Variants in TANGO6 observed in about 807,000 individuals in gnomAD.
TANGO6 encodes the protein transport and golgi organization 6 homolog.
A neutral mutation model predicts 114.2 loss-of-function variants in TANGO6; 90 were observed. That is an observed-to-expected ratio of 0.79 (90% CI 0.66 to 0.94). The LOEUF is 0.94. Among genes scored for constraint, TANGO6 ranks in the 40% least tolerant of loss-of-function variants. The pLI, the probability that TANGO6 is intolerant of heterozygous loss-of-function variation, is 0.00. For synonymous variants in TANGO6, 477 were observed against 509.8 expected, an observed-to-expected ratio of 0.94 and a Z score of 0.87; for missense variants, 1,274 against 1,315.3, an observed-to-expected ratio of 0.97 and a Z score of 0.49.
chr16:69,065,218 C>T (rs1960195860), intron 17 of TANGO6, among the ~76,000 whole-genome samples: 2 of 152,220 alleles, frequency 1.3e-5, no homozygotes, highest in South Asian at 4.1e-4. Flanking sequence ...CACTCCTGTC[C>T]CAGCTGCAGG....
intron 7 of TANGO6, among the ~76,000 whole-genome samples, chr16:68,895,139 T>C (rs137909447): frequency 2.2e-3 from 333 of 152,306 alleles, no homozygotes; most frequent in African/African-American, 7.0e-3. Flanking sequence ...AATACCTGGC[T>C]CACTCTTGAG....
At chr16:68,858,680 C>T (rs1641069950) in intron 1 of TANGO6, among the ~76,000 whole-genome samples, 1 of 151,920 alleles carries the variant, frequency 6.6e-6, no homozygotes, top group Non-Finnish European at 1.5e-5. Context: ...ACGGGCTCTC[C>T]CTACATTGCC....
rs1182222050 is a variant in TANGO6 at position 68,927,647 on chromosome 16, T to G, written c.2207T>G (p.Val736Gly). 3.1e-6 allele frequency: 5 copies of G among 1,614,028 alleles called. No individual in the cohort carries two copies. Among genetic ancestry groups the G allele is most frequent in the Non-Finnish European group, 3.4e-6 (4 of 1,179,892 alleles). Reference protein sequence around the residue: ...EKVSNTYPDPVIQELAVDLRI... With the variant: ...EKVSNTYPDPGIQELAVDLRI... ...GTATCCAACACATACCCTGATCCGG[T>G]CATCCAAGAACTCGCTGTTGATCTC... Residue 736 changes from valine to glycine, a missense_variant, in exon 13 of 18, where the codon GTC becomes GGC. By Grantham distance (109) the Val-to-Gly change is moderately radical. Around this residue, in one of 5 missense-constraint regions of TANGO6, gnomAD observed 908 missense variants for 910.2 expected, o/e 1.00. Coordinates refer to ENST00000261778, the MANE Select transcript of TANGO6 (RefSeq NM_024562.2).
chr16:68,843,560 C>T lies in TANGO6; in HGVS notation c.-58C>T. The T allele has an allele frequency of 2.0e-6, 3 of 1,537,622 alleles. No homozygotes were observed. The highest frequency in any genetic ancestry group is 1.8e-5 in the Admixed American group (1 of 55,978). On this transcript the variant is annotated 5_prime_UTR_variant, in exon 1 of 18. Coordinates refer to ENST00000261778, the MANE Select transcript of TANGO6 (RefSeq NM_024562.2). ...CCTTCTGCCACACTTAACATGGCGGCGGCGGCGCCCTGCCGAGGCGCCTGA... is the reference window on the plus strand; with the variant it reads ...CCTTCTGCCACACTTAACATGGCGGTGGCGGCGCCCTGCCGAGGCGCCTGA...
chr16:68,918,206 C>A (rs944087247), intron 11 of TANGO6, among the ~76,000 whole-genome samples: 11 of 152,118 alleles, frequency 7.2e-5, no homozygotes, highest in Admixed American at 7.2e-4. Flanking sequence ...CCGTGCTCAA[C>A]CCAGGTTTTC....
intron 14 of TANGO6, among the ~76,000 whole-genome samples, chr16:68,959,628 T>A (rs1350736755): frequency 6.6e-6 from 1 of 151,838 alleles, no homozygotes; most frequent in Non-Finnish European, 1.5e-5. Context: ...AAGGAAAAAA[T>A]GGAGAACTGA....
intron 15 of TANGO6, among the ~76,000 whole-genome samples, chr16:69,003,806 G>A (rs1964066717): frequency 1.3e-5 from 2 of 151,468 alleles, no homozygotes; most frequent in Admixed American, 6.6e-5. Flanking sequence ...TCTACTTTAG[G>A]ACAAGAATTT....
chr16:69,012,582 A>G (rs868473148), intron 15 of TANGO6, among the ~76,000 whole-genome samples: 28 of 120,166 alleles, frequency 2.3e-4, no homozygotes, highest in East Asian at 6.2e-4. Context: ...AAAAAAAGGA[A>G]AAAAAAAAAA....
chr16:69,067,382 T>C (rs11644316), intron 17 of TANGO6, among the ~76,000 whole-genome samples: 80,379 of 150,908 alleles, frequency 0.53, 21,821 homozygotes, highest in Admixed American at 0.6. Flanking sequence ...TGTTGGCGGG[T>C]GCCTGTAATC....
chr16:68,963,116 T>C (rs1170036803), intron 14 of TANGO6, among the ~76,000 whole-genome samples: 7 of 148,220 alleles, frequency 4.7e-5, no homozygotes, highest in Non-Finnish European at 7.5e-5. Context: ...AAGCTTGTCC[T>C]TGTGCTTTTT....
At chr16:68,955,482 A>G (rs915030549) in intron 14 of TANGO6, among the ~76,000 whole-genome samples, 2 of 152,230 alleles carry the variant, frequency 1.3e-5, no homozygotes, top group African/African-American at 4.8e-5. Context: ...GCATTGGCAC[A>G]GTGGTGTTTG....
intron 14 of TANGO6, among the ~76,000 whole-genome samples, chr16:68,950,458 T>C (rs1963460336): frequency 6.6e-6 from 1 of 151,596 alleles, no homozygotes; most frequent in Non-Finnish European, 1.5e-5. Flanking sequence ...CCAGCTACTC[T>C]GGAGGCTGAG....
intron 7 of TANGO6, among the ~76,000 whole-genome samples, chr16:68,892,877 C>T (rs1292026787): frequency 4.6e-5 from 7 of 152,270 alleles, no homozygotes; most frequent in Admixed American, 6.5e-5. Context: ...TATCACACCA[C>T]GCAATTGAAA....
intron 1 of TANGO6, among the ~76,000 whole-genome samples, chr16:68,852,456 A>G (rs914001012): frequency 6.7e-6 from 1 of 148,764 alleles, no homozygotes; most frequent in Non-Finnish European, 1.5e-5. Context: ...TTATATTTTC[A>G]AAAAAAAAAT....
intron 15 of TANGO6, among the ~76,000 whole-genome samples, chr16:69,006,641 C>T (rs1445263455): frequency 2.0e-5 from 3 of 152,052 alleles, no homozygotes; most frequent in African/African-American, 4.8e-5. Context: ...ATCCCATCTA[C>T]TCTGGAGGCT....
chr16:69,036,058 A>G (rs1345662216), intron 16 of TANGO6: 2 of 152,126 alleles, frequency 1.3e-5, no homozygotes, highest in Non-Finnish European at 2.9e-5. Context: ...AAAAAAAAAA[A>G]AAAAGAATGG....
At chr16:68,890,219 A>C (rs544552475) in intron 7 of TANGO6, among the ~76,000 whole-genome samples, 1 of 152,348 alleles carries the variant, frequency 6.6e-6, no homozygotes, top group East Asian at 1.9e-4. Context: ...CCTGTAAAAG[A>C]GAAGCCCATA....
chr16:69,052,033 G>C (rs1959958285), intron 17 of TANGO6, among the ~76,000 whole-genome samples: 2 of 144,942 alleles, frequency 1.4e-5, no homozygotes, highest in Admixed American at 7.1e-5. Context: ...CTGCAGCCTT[G>C]ACCTCCTGGG....
rs138578598 is a variant in TANGO6 at position 69,042,408 on chromosome 16, G to A, written c.3108+1987G>A. On this transcript the variant is annotated intron_variant, in intron 17 of 17. Coordinates refer to ENST00000261778, the MANE Select transcript of TANGO6 (RefSeq NM_024562.2). ...CTAAAAATACAAAAATTAGCCAGGC[G>A]TGGTGGCAGGCACCTGTAATCCAGG... Among the ~76,000 whole-genome samples the A allele has an allele frequency of 7.7e-3, 1,178 of 152,256 alleles. 15 individuals are homozygous for A. The highest frequency in any genetic ancestry group is 0.026 in the African/African-American group (1,100 of 41,528).
Sources: gnomAD v4.1 joint callset for allele counts (sites outside exome capture counted in the v4.1 genomes callset) on GRCh38, gnomAD v4.1.1 for gene constraint, gnomAD v4.1.1 regional missense constraint, MANE v1.5 for transcripts, NCBI Gene and HGNC (gene_info 2026-07-23, HGNC 2026-07-21) for gene names.